ASIP: variants seen among roughly 807,000 people sequenced by gnomAD.
ASIP encodes agouti signaling protein, also known as agouti-signaling protein.
A neutral mutation model predicts 10.3 loss-of-function variants in ASIP; 11 were observed. The observed-to-expected ratio is 1.07, with a 90% CI of 0.68 to 1.78. The LOEUF is 1.78. ASIP is among the 40% of genes most tolerant of loss of function. ASIP has a pLI of 0.00. For synonymous variants in ASIP, 70 were observed against 70.8 expected (o/e 0.99, Z 0.06); for missense variants, 180 against 169.2 (o/e 1.06, Z -0.35).
At chr20:34,189,508 C>T in the ASIP span, among the ~76,000 whole-genome samples, 3 of 152,036 alleles carry the variant, frequency 2.0e-5, no homozygotes, top group Non-Finnish European at 4.4e-5. Flanking sequence ...ACCCAAAGTG[C>T]TGGGATTACA....
chr20:34,208,209 A>G (rs1193270437), intron 1 of ASIP, among the ~76,000 whole-genome samples: 1 of 152,162 alleles, frequency 6.6e-6, no homozygotes, highest in Non-Finnish European at 1.5e-5. Context: ...GCTTTGTAGT[A>G]TAACTTGAAA....
intron 1 of ASIP, among the ~76,000 whole-genome samples, chr20:34,203,787 G>A (rs1275264176): frequency 1.3e-5 from 2 of 151,656 alleles, no homozygotes; most frequent in Non-Finnish European, 2.9e-5. Flanking sequence ...GCAATGGCAC[G>A]ATCCTGCCTC....
intron 1 of ASIP, among the ~76,000 whole-genome samples, chr20:34,217,906 G>A (rs2035020882): frequency 6.6e-6 from 1 of 152,168 alleles, no homozygotes; most frequent in South Asian, 2.1e-4. Flanking sequence ...TTTTGCTTTT[G>A]GAATCAGCAA....
chr20:34,257,070 C>CTTTTTTTTTTTTTTTTTTTTTTTTTTT (rs56227909), intron 1 of ASIP, among the ~76,000 whole-genome samples: 3 of 139,426 alleles, frequency 2.2e-5, no homozygotes, highest in Admixed American at 7.2e-5. Flanking sequence ...CTTTCTTTCT[C>CTTTTTTTTTTTTTTTTTTTTTTTTTTT]TTTTTTTTTT....
intron 1 of ASIP, 79 bp downstream of exon 1, chr20:34,241,568 T>C (rs2035284344): frequency 2.0e-6 from 2 of 976,540 alleles, no homozygotes; most frequent in Non-Finnish European, 2.4e-6. Context: ...GACTTAACAG[T>C]TATCCCTCCT....
chr20:34,193,055 T>C (rs1357119140), upstream of ASIP, among the ~76,000 whole-genome samples: 7 of 152,218 alleles, frequency 4.6e-5, no homozygotes, highest in Non-Finnish European at 8.8e-5. Flanking sequence ...TCCTTGTATC[T>C]AACTGTATTT....
chr20:34,204,459 T>C (rs1458699903), intron 1 of ASIP, among the ~76,000 whole-genome samples: 1 of 152,214 alleles, frequency 6.6e-6, no homozygotes, highest in African/African-American at 2.4e-5. Context: ...CCTCAGGTGA[T>C]CTACCCACTT....
At chr20:34,233,514 G>C (rs1194410939) in intron 1 of ASIP, among the ~76,000 whole-genome samples, 2 of 152,106 alleles carry the variant, frequency 1.3e-5, no homozygotes, top group Non-Finnish European at 2.9e-5. Context: ...ACATACTGTA[G>C]GATGGTTGCA....
upstream of ASIP, among the ~76,000 whole-genome samples, chr20:34,191,896 A>AT (rs2122525254): frequency 6.6e-6 from 1 of 151,456 alleles, no homozygotes; most frequent in African/African-American, 2.4e-5. Context: ...TGCCCAGCTA[A>AT]TTTTTTCTAT....
At chr20:34,195,784 C>T (rs1226477124) in intron 1 of ASIP, among the ~76,000 whole-genome samples, 1 of 151,996 alleles carries the variant, frequency 6.6e-6, no homozygotes, top group African/African-American at 2.4e-5. Flanking sequence ...GAGACAATTA[C>T]CTTTTTTTTT....
upstream of ASIP, among the ~76,000 whole-genome samples, chr20:34,240,910 C>T (rs2035275360): frequency 6.6e-6 from 1 of 152,058 alleles, no homozygotes; most frequent in Non-Finnish European, 1.5e-5. Context: ...CTTCTGGCAA[C>T]CAGAATGAGT....
intron 1 of ASIP, among the ~76,000 whole-genome samples, chr20:34,233,924 C>T (rs1335751978): frequency 6.6e-6 from 1 of 152,232 alleles, no homozygotes; most frequent in South Asian, 2.1e-4. Flanking sequence ...CAACACTCTG[C>T]AGCCAGTCAA....
Position 34,269,193 on chromosome 20 carries a change from G to C in ASIP, c.*26G>C, listed in dbSNP as rs758751703. On this transcript the variant is annotated 3_prime_UTR_variant, in exon 4 of 4. Coordinates refer to ENST00000374954, the MANE Select transcript of ASIP (RefSeq NM_001672.3). ...GCGCCCCCACTCCCGGCCGCGAGCA[G>C]GCAGGGCTTCGGGGACGCGGGGCGC... 6.8e-7 allele frequency: 1 copy of C among 1,474,268 alleles called. No individual in the cohort carries two copies. The highest frequency in any genetic ancestry group is 1.3e-5 in the South Asian group (1 of 74,182). The allele number at this position is 1,474,268 out of a possible 1,614,324, so 91.3% of individuals were successfully genotyped here. A position where few individuals can be genotyped will look rare whatever the true frequency, so the allele number is the denominator to read the frequency against.
At chr20:34,199,015 A>G (rs1422640164) in intron 1 of ASIP, among the ~76,000 whole-genome samples, 1 of 152,004 alleles carries the variant, frequency 6.6e-6, no homozygotes, top group Non-Finnish European at 1.5e-5. Context: ...TGGGGGCTTT[A>G]TATGTGTGTG....
intron 1 of ASIP, chr20:34,215,374 T>C (rs1296894427): frequency 1.3e-6 from 2 of 1,573,230 alleles, no homozygotes; most frequent in Non-Finnish European, 8.7e-7. Flanking sequence ...CCTCATGGTA[T>C]CTTTTATGAG....
chr20:34,197,393 C>T (rs550013054), intron 1 of ASIP, among the ~76,000 whole-genome samples: 23 of 152,292 alleles, frequency 1.5e-4, no homozygotes, highest in Middle Eastern at 3.4e-3. Flanking sequence ...CTGTACTAGA[C>T]GGGATCCCAG....
intron 1 of ASIP, among the ~76,000 whole-genome samples, chr20:34,245,512 T>G (rs942218137): frequency 3.0e-4 from 45 of 151,434 alleles, no homozygotes; most frequent in African/African-American, 1.0e-3. Context: ...CTCAGCCTCC[T>G]GAGTAGCTGG....
intron 1 of ASIP, among the ~76,000 whole-genome samples, chr20:34,252,012 AG>A (rs1436308598): frequency 3.9e-5 from 6 of 152,254 alleles, no homozygotes; most frequent in African/African-American, 1.4e-4. Context: ...CATAGAATTA[AG>A]GATAGAAGGT....
At chr20:34,215,033 A>G (rs2034998334) in intron 1 of ASIP, 1 of 1,480,828 alleles carries the variant, frequency 6.8e-7, no homozygotes, top group Non-Finnish European at 9.4e-7. Context: ...GCTGAAAAGA[A>G]GTCAACATCT....
Sources: gnomAD v4.1 joint callset for allele counts (sites outside exome capture counted in the v4.1 genomes callset) on GRCh38, gnomAD v4.1.1 for gene constraint, MANE v1.5 for transcripts, NCBI Gene and HGNC (gene_info 2026-07-23, HGNC 2026-07-21) for gene names.